Variants in ARHGAP10 observed in about 807,000 individuals in gnomAD.
ARHGAP10 encodes the protein rho GTPase-activating protein 10.
ARHGAP10 carries 87 observed loss-of-function variants against 108.6 expected under a neutral mutation model. The observed-to-expected ratio is 0.80, with a 90% CI of 0.67 to 0.96. The LOEUF is 0.96. Among genes scored for constraint, ARHGAP10 ranks in the 40% least tolerant of loss-of-function variants. The pLI is 0.00. For missense variants in ARHGAP10, 939 were observed against 954.5 expected, an observed-to-expected ratio of 0.98 and a Z score of 0.21; for synonymous variants, 347 against 341.1, an observed-to-expected ratio of 1.02 and a Z score of -0.19.
chr4:148,018,077 C>T (rs964688931), intron 18 of ARHGAP10, among the ~76,000 whole-genome samples: 3 of 152,084 alleles, frequency 2.0e-5, no homozygotes, highest in African/African-American at 4.8e-5. Flanking sequence ...GGCATGCCTA[C>T]GCGTGGAGTG....
At chr4:147,988,183 A>G (rs1740114331) in intron 18 of ARHGAP10, among the ~76,000 whole-genome samples, 1 of 152,198 alleles carries the variant, frequency 6.6e-6, no homozygotes, top group South Asian at 2.1e-4. Flanking sequence ...TGTCTGGTCA[A>G]CATAGTTTTA....
intron 1 of ARHGAP10, among the ~76,000 whole-genome samples, chr4:147,804,660 G>A (rs1731711534): frequency 6.6e-6 from 1 of 152,076 alleles, no homozygotes; most frequent in Non-Finnish European, 1.5e-5. Flanking sequence ...GTTATTTTTT[G>A]ACTTTTTGGT....
intron 1 of ARHGAP10, among the ~76,000 whole-genome samples, chr4:147,750,735 G>A (rs1729106381): frequency 6.6e-6 from 1 of 151,514 alleles, no homozygotes; most frequent in Admixed American, 6.6e-5. Flanking sequence ...CTGAGTAGCT[G>A]GGACTACAGT....
intron 1 of ARHGAP10, among the ~76,000 whole-genome samples, chr4:147,785,145 C>A (rs545229690): frequency 8.0e-4 from 115 of 143,002 alleles, no homozygotes; most frequent in South Asian, 1.8e-3. Context: ...TGAATATTGA[C>A]TTGTTTAGCT....
At chr4:147,904,917 C>G (rs530515557) in intron 10 of ARHGAP10, among the ~76,000 whole-genome samples, 2 of 152,068 alleles carry the variant, frequency 1.3e-5, no homozygotes, top group South Asian at 2.1e-4. Flanking sequence ...TTTTAATGAT[C>G]GCCATTCTAA....
chr4:147,775,510 C>T (rs982308677), intron 1 of ARHGAP10, among the ~76,000 whole-genome samples: 17 of 152,146 alleles, frequency 1.1e-4, no homozygotes, highest in African/African-American at 4.1e-4. Flanking sequence ...GCCTTGCTCT[C>T]ACATATGCAG....
At chr4:147,814,006 T>C (rs1336841056) in intron 1 of ARHGAP10, among the ~76,000 whole-genome samples, 1 of 152,112 alleles carries the variant, frequency 6.6e-6, no homozygotes, top group Non-Finnish European at 1.5e-5. Context: ...TATTTTCTTC[T>C]TTTTTTTGGA....
chr4:148,017,680 A>G (rs200584137), intron 18 of ARHGAP10, among the ~76,000 whole-genome samples: 11,371 of 141,434 alleles, frequency 0.08, 798 homozygotes, highest in South Asian at 0.2. Context: ...ATATATATAT[A>G]TATGTGTGTG....
intron 18 of ARHGAP10, among the ~76,000 whole-genome samples, chr4:148,011,298 G>A (rs924937211): frequency 7.2e-5 from 11 of 152,204 alleles, no homozygotes; most frequent in Admixed American, 3.9e-4. Context: ...GGCAGGGCGA[G>A]TTTAGCTTGT....
intron 3 of ARHGAP10, among the ~76,000 whole-genome samples, chr4:147,828,032 T>G (rs982077498): frequency 6.6e-6 from 1 of 152,190 alleles, no homozygotes; most frequent in Non-Finnish European, 1.5e-5. Context: ...CTCAATTTCT[T>G]GACCTTGTGA....
chr4:147,764,073 T>A (rs1729696392), intron 1 of ARHGAP10, among the ~76,000 whole-genome samples: 1 of 152,310 alleles, frequency 6.6e-6, no homozygotes, highest in Non-Finnish European at 1.5e-5. Flanking sequence ...ACAGTGATTC[T>A]TGATCTTTAG....
intron 10 of ARHGAP10, among the ~76,000 whole-genome samples, chr4:147,889,451 C>T (rs530787153): frequency 1.2e-4 from 18 of 152,262 alleles, no homozygotes; most frequent in East Asian, 5.8e-4. Context: ...AGGCATACAC[C>T]GCCACGCCCG....
rs147310500 is a variant in ARHGAP10, at chr4:148,050,986, A to G, written c.2027+3935A>G. Among the ~76,000 whole-genome samples the G allele has an allele frequency of 2.3e-3, 357 of 152,288 alleles. 1 individual carries two copies. The highest frequency in any genetic ancestry group is 8.0e-3 in the African/African-American group (332 of 41,556). ...CTCAGGTCCTAAGGAATGGAGTCCA[A>G]ATGTATGTGGATCACATAGGACCCC... is the stretch of plus-strand genomic sequence containing the variant. On this transcript the variant is annotated intron_variant, in intron 20 of 22. Transcript: ENST00000336498.
intron 19 of ARHGAP10, among the ~76,000 whole-genome samples, chr4:148,024,611 T>G (rs184601748): frequency 6.6e-6 from 1 of 152,252 alleles, no homozygotes; most frequent in Non-Finnish European, 1.5e-5. Flanking sequence ...GATACAAATA[T>G]TAGTTTTACA....
chr4:148,069,435 C>T (rs1244148347), intron 22 of ARHGAP10, among the ~76,000 whole-genome samples: 1 of 152,278 alleles, frequency 6.6e-6, no homozygotes, highest in East Asian at 1.9e-4. Context: ...GGAGGCGTCT[C>T]TCTGGTTTGT....
chr4:148,003,084 A>G (rs957384423), intron 18 of ARHGAP10, among the ~76,000 whole-genome samples: 5 of 152,178 alleles, frequency 3.3e-5, no homozygotes, highest in Admixed American at 6.5e-5. Context: ...ACACTGCGTT[A>G]AATGTGTCCC....
chr4:148,062,914 G>A (rs1175107034), intron 20 of ARHGAP10, among the ~76,000 whole-genome samples: 1 of 152,166 alleles, frequency 6.6e-6, no homozygotes, highest in African/African-American at 2.4e-5. Context: ...ACAGATTGGA[G>A]AACCTGGAGA....
rs141594377 is a variant in ARHGAP10 at position 147,986,581 on chromosome 4, T to C, written c.1716+19742T>C. ...TGCTTTTAGTGTGCTGTCTCCAGGG[T>C]GACGTACACCCCACAGCCAAGACAG... On this transcript the variant is annotated intron_variant, in intron 18 of 22. Coordinates refer to ENST00000336498, the MANE Select transcript of ARHGAP10 (RefSeq NM_024605.4). Among the ~76,000 whole-genome samples the C allele has an allele frequency of 1.6e-3, 238 of 152,262 alleles. 1 individual carries two copies. The highest frequency in any genetic ancestry group is 5.2e-3 in the African/African-American group (214 of 41,540).
chr4:147,978,568 T>A (rs1364077245), intron 18 of ARHGAP10, among the ~76,000 whole-genome samples: 1 of 152,190 alleles, frequency 6.6e-6, no homozygotes, highest in Non-Finnish European at 1.5e-5. Flanking sequence ...CCCCCTTGCT[T>A]GCTCACTCTC....
Sources: allele counts gnomAD v4.1 joint callset (sites outside exome capture counted in the v4.1 genomes callset), GRCh38; gene constraint gnomAD v4.1.1; transcripts MANE v1.5; gene names NCBI Gene and HGNC (gene_info 2026-07-23, HGNC 2026-07-21).